Variants in RASGEF1B observed in about 807,000 individuals in gnomAD.
RASGEF1B encodes ras-GEF domain-containing family member 1B.
RASGEF1B carries 30 observed loss-of-function variants against 65.7 expected under a neutral mutation model. The ratio of observed to expected loss-of-function variants is 0.46; its 90% confidence interval spans 0.34 to 0.62. The LOEUF is 0.62. Among genes scored for constraint, RASGEF1B ranks in the 20% least tolerant of loss-of-function variants. The pLI is 0.01. For missense variants in RASGEF1B, 495 were observed against 580.1 expected (o/e 0.85, Z 1.51); for synonymous variants, 175 against 194.8 (o/e 0.90, Z 0.85).
At chr4:81,442,783 A>T (rs150150696) in intron 8 of RASGEF1B, among the ~76,000 whole-genome samples, 7 of 152,362 alleles carry the variant, frequency 4.6e-5, no homozygotes, top group African/African-American at 1.7e-4. Flanking sequence ...CTGAATTTAT[A>T]TTACAGTCAC....
chr4:81,431,408 A>C (rs1441623874), intron 13 of RASGEF1B, among the ~76,000 whole-genome samples: 1 of 152,018 alleles, frequency 6.6e-6, no homozygotes, highest in African/African-American at 2.4e-5. Context: ...CCAATCCTTC[A>C]CCAATTACTA....
At chr4:81,460,430 G>A (rs1238729553) in intron 1 of RASGEF1B, among the ~76,000 whole-genome samples, 1 of 152,244 alleles carries the variant, frequency 6.6e-6, no homozygotes, top group African/African-American at 2.4e-5. Context: ...GAGACTGGGG[G>A]CTTCAGAAGG....
chr4:81,469,751 T>C (rs1387459908), intron 1 of RASGEF1B, among the ~76,000 whole-genome samples: 1 of 152,170 alleles, frequency 6.6e-6, no homozygotes, highest in Non-Finnish European at 1.5e-5. Flanking sequence ...GGTGATTCTC[T>C]TCTCCAAAAG....
intron 10 of RASGEF1B, 44 bp downstream of exon 10, chr4:81,440,789 AC>A (rs1454432614): frequency 9.2e-6 from 12 of 1,307,324 alleles, no homozygotes; most frequent in Non-Finnish European, 1.3e-5. Flanking sequence ...TCAGCATAAA[AC>A]ACAGCAACTC....
intron 1 of RASGEF1B, among the ~76,000 whole-genome samples, chr4:81,466,860 C>T (rs1722853507): frequency 7.0e-6 from 1 of 141,868 alleles, no homozygotes; most frequent in African/African-American, 2.7e-5. Flanking sequence ...TGTCCTCAGT[C>T]AGAAGACGTC....
intron 5 of RASGEF1B, 128 bp from the exon 6 acceptor site, chr4:81,447,706 C>A: frequency 1.3e-6 from 1 of 747,702 alleles, no homozygotes; most frequent in African/African-American, 1.8e-5. Flanking sequence ...ACCTTTAGCC[C>A]TAAATAATTT....
chr4:81,466,951 A>AG (rs1722859437), intron 1 of RASGEF1B, among the ~76,000 whole-genome samples: 1 of 148,596 alleles, frequency 6.7e-6, no homozygotes, highest in African/African-American at 2.6e-5. Context: ...AAAAAAAAAA[A>AG]AAAAGAAAAA....
At chr4:81,466,770 A>AAAAAAAAAGAAAGAAAGAAAGAAAGAAAG (rs748492254) in intron 1 of RASGEF1B, among the ~76,000 whole-genome samples, 1 of 36,100 alleles carries the variant, frequency 2.8e-5, no homozygotes, top group African/African-American at 9.5e-5. Flanking sequence ...AAAAAAAAAA[A>AAAAAAAAAGAAAGAAAGAAAGAAAGAAAG]AAAGAAAGAA....
chr4:81,437,246 A>C (rs982031627), intron 10 of RASGEF1B, among the ~76,000 whole-genome samples: 1 of 152,178 alleles, frequency 6.6e-6, no homozygotes, highest in Non-Finnish European at 1.5e-5. Context: ...CTAAAAAATA[A>C]AAAAATAATA....
chr4:81,442,793 CAT>C (rs1401378669), intron 8 of RASGEF1B, among the ~76,000 whole-genome samples: 1 of 152,204 alleles, frequency 6.6e-6, no homozygotes, highest in African/African-American at 2.4e-5. Context: ...ATTACAGTCA[CAT>C]GTTAGAAATG....
At chr4:81,445,929 T>A (rs1245168426) in intron 6 of RASGEF1B, 91 bp from the exon 7 acceptor site, 1 of 887,632 alleles carries the variant, frequency 1.1e-6, no homozygotes, top group African/African-American at 1.7e-5. Context: ...TTAGTCTCAG[T>A]TTATGGATTA....
intron 10 of RASGEF1B, among the ~76,000 whole-genome samples, chr4:81,439,373 C>G (rs1434567467): frequency 6.6e-6 from 1 of 152,142 alleles, no homozygotes; most frequent in African/African-American, 2.4e-5. Flanking sequence ...AAAACTAAAG[C>G]AGACATAATT....
At chr4:81,435,675 C>G (rs940265412) in intron 10 of RASGEF1B, among the ~76,000 whole-genome samples, 4 of 149,436 alleles carry the variant, frequency 2.7e-5, no homozygotes, top group Admixed American at 2.7e-4. Flanking sequence ...CAGGGTTTCA[C>G]CGTGTTAGCC....
At chr4:81,448,900 C>T (rs775586042) in intron 4 of RASGEF1B, among the ~76,000 whole-genome samples, 2 of 152,082 alleles carry the variant, frequency 1.3e-5, no homozygotes, top group Non-Finnish European at 2.9e-5. Context: ...CTATAACCTC[C>T]GCCTCCCAGG....
intron 6 of RASGEF1B, among the ~76,000 whole-genome samples, chr4:81,446,232 T>G (rs540736696): frequency 4.0e-4 from 61 of 152,136 alleles, no homozygotes; most frequent in African/African-American, 1.4e-3. Context: ...AAAAATTAGC[T>G]GGGCATGGTG....
chr4:81,443,243 C>A (rs1721905932), intron 8 of RASGEF1B, among the ~76,000 whole-genome samples: 1 of 152,210 alleles, frequency 6.6e-6, no homozygotes, highest in Admixed American at 6.5e-5. Flanking sequence ...ATGCCACCAA[C>A]ATTCATATTT....
chr4:81,453,683 G>A (rs552521386), intron 4 of RASGEF1B: 1 of 152,362 alleles, frequency 6.6e-6, no homozygotes, highest in East Asian at 1.9e-4. Flanking sequence ...TATGATCATA[G>A]TTGGGTGCCA....
At position 81,447,419 on chromosome 4, in the gene RASGEF1B, C is replaced by T. The variant is rs1042351890; in HGVS notation, c.729+85G>A. On this transcript the variant is annotated intron_variant, in intron 6 of 13. Transcript: ENST00000264400. Reference sequence around the variant, plus strand: ...TTAAAATCTACAACAGAATATAGTTCTAACTTCCGTCCTTTATACCCACTA... The same window carrying T: ...TTAAAATCTACAACAGAATATAGTTTTAACTTCCGTCCTTTATACCCACTA... 47 of 1,006,054 alleles carry T rather than the reference C, an allele frequency of 4.7e-5. No individual in the cohort carries two copies. The East Asian group carries it at 1.1e-3, about 24-fold the overall frequency. The allele number at this position is 1,006,054 out of a possible 1,614,324, so 62.3% of individuals were successfully genotyped here. A position where few individuals can be genotyped will look rare whatever the true frequency, so the allele number is the denominator to read the frequency against.
rs1263549229 is a variant in RASGEF1B at position 81,440,785 on chromosome 4, TA to T, written c.1104+48del. 4 of 1,269,398 alleles carry T rather than the reference TA, an allele frequency of 3.2e-6. No homozygotes were observed. The Middle Eastern group carries it at 5.6e-4, about 178-fold the overall frequency. 78.6% of individuals were successfully genotyped at this position (1,269,398 alleles called of 1,614,324 possible). A position where few individuals can be genotyped will look rare whatever the true frequency, so the allele number is the denominator to read the frequency against. On this transcript the variant is annotated intron_variant, in intron 10 of 13. Transcript: ENST00000264400. ...TCGTAGTTCACATAGCATTTCAGCA[TA>T]AAACACAGCAACTCTACCATAAGAA... is the stretch of plus-strand genomic sequence containing the variant.
Sources: gnomAD v4.1 joint callset for allele counts (sites outside exome capture counted in the v4.1 genomes callset) on GRCh38, gnomAD v4.1.1 for gene constraint, MANE v1.5 for transcripts, NCBI Gene and HGNC (gene_info 2026-07-23, HGNC 2026-07-21) for gene names.